The following INTS8 variants were observed in gnomAD, a reference collection of about 807,000 sequenced individuals.
The protein encoded by INTS8 is protein kaonashi-1.
INTS8 carries 47 observed loss-of-function variants against 138.9 expected under a neutral mutation model. The observed-to-expected ratio is 0.34, with a 90% CI of 0.27 to 0.43. The LOEUF (loss-of-function observed/expected upper bound fraction) is 0.43, where lower values mean the gene tolerates loss of function less well. INTS8 is among the 20% of genes least tolerant of loss of function. The pLI, the probability that INTS8 is intolerant of heterozygous loss-of-function variation, is 1.00. For missense variants in INTS8, 996 were observed against 1,173.0 expected (o/e 0.85, Z 2.20); for synonymous variants, 392 against 400.9 (o/e 0.98, Z 0.27).
rs140625955 is a variant in INTS8, at chr8:94,823,329, G to C, written c.-103G>C. On this transcript the variant is annotated 5_prime_UTR_variant, in exon 1 of 27. Coordinates refer to ENST00000523731, the MANE Select transcript of INTS8 (RefSeq NM_017864.4). ...GAGTTTCCGGGACGTTCGGAGGGTG[G>C]CCTCTCTCCCACCGGGTTCCGCATA... is the stretch of plus-strand genomic sequence containing the variant. The C allele has an allele frequency of 1.3e-6, 2 of 1,514,688 alleles. No homozygotes were observed. Among genetic ancestry groups the C allele is most frequent in the Admixed American group, 2.1e-5 (1 of 47,880 alleles). 93.8% of individuals were successfully genotyped at this position (1,514,688 alleles called of 1,614,324 possible).
In INTS8 at chr8:94,836,647, A is replaced by G. The variant is rs1487159967; in HGVS notation, c.861+16A>G. 6.9e-7 allele frequency: 1 copy of G among 1,454,938 alleles called. No homozygotes were observed. Among genetic ancestry groups the G allele is most frequent in the East Asian group, 2.3e-5 (1 of 44,056 alleles). The allele number at this position is 1,454,938 out of a possible 1,614,324, so 90.1% of individuals were successfully genotyped here. On this transcript the variant is annotated intron_variant, in intron 7 of 26. Coordinates refer to ENST00000523731, the MANE Select transcript of INTS8 (RefSeq NM_017864.4). ...AATTGCAGAGGTAAATCCAGTCATA[A>G]TAGGAACTTAATGTTCAGTTCTTTA... is the stretch of plus-strand genomic sequence containing the variant.
chr8:94,825,155 TA>T, intron 2 of INTS8, 88 bp downstream of exon 2: 3 of 959,400 alleles, frequency 3.1e-6, no homozygotes, highest in Non-Finnish European at 4.7e-6. Flanking sequence ...TATCGGCTCT[TA>T]AAAATTACGT....
At chr8:94,866,682 T>C (rs1470628984) in intron 18 of INTS8, 1 of 171,294 alleles carries the variant, frequency 5.8e-6, no homozygotes, top group Non-Finnish European at 1.2e-5. Flanking sequence ...GTATTGCATT[T>C]ACTTTACCAT....
At chr8:94,867,241 C>T in intron 19 of INTS8, 35 bp from the exon 20 acceptor site, 1 of 1,597,840 alleles carries the variant, frequency 6.3e-7, no homozygotes, top group Non-Finnish European at 8.5e-7. Context: ...AAAGAAATTT[C>T]TTTGTAAATC....
intron 8 of INTS8, 24 bp from the exon 9 acceptor site, chr8:94,841,467 T>C: frequency 8.3e-7 from 1 of 1,198,998 alleles, no homozygotes; most frequent in Non-Finnish European, 1.2e-6. Context: ...TTGAAATGGG[T>C]GCAACTTTAT....
At chr8:94,828,868 C>A in intron 4 of INTS8, 107 bp from the exon 5 acceptor site, 1 of 708,866 alleles carries the variant, frequency 1.4e-6, no homozygotes, top group Non-Finnish European at 2.4e-6. Context: ...ACATTAAAAA[C>A]ACTCTTAAAT....
Position 94,881,603 on chromosome 8 carries a change from A to C in INTS8, c.*1369A>C. 1 of 1,609,824 alleles carries C rather than the reference A, an allele frequency of 6.2e-7. No individual in the cohort carries two copies. The highest frequency in any genetic ancestry group is 1.1e-5 in the South Asian group (1 of 90,718). Reference sequence around the variant, plus strand: ...TACCAGTTCTACCCAATCTTGGTGAATTCCAACTTGTTTGCTTAGTTATCT... The same window carrying C: ...TACCAGTTCTACCCAATCTTGGTGACTTCCAACTTGTTTGCTTAGTTATCT... On this transcript the variant is annotated 3_prime_UTR_variant, in exon 27 of 27. Coordinates refer to ENST00000523731, the MANE Select transcript of INTS8 (RefSeq NM_017864.4).
chr8:94,855,306 C>T (rs1046882182), intron 14 of INTS8, among the ~76,000 whole-genome samples: 10 of 152,190 alleles, frequency 6.6e-5, no homozygotes, highest in Middle Eastern at 3.4e-3. Flanking sequence ...AATGTGTAAT[C>T]GATATAAAAA....
chr8:94,824,889 C>T lies in INTS8; in HGVS notation c.131-4C>T, dbSNP rs965387719. The T allele has an allele frequency of 6.9e-6, 11 of 1,585,834 alleles. No individual in the cohort carries two copies. The highest frequency in any genetic ancestry group is 8.6e-6 in the Non-Finnish European group (10 of 1,164,176). ...TTAAGAATTTATTTTCTTTTAAACC[C>T]TAGATCCTGCACCAGTTCAACTTAT... On this transcript the variant is annotated splice_polypyrimidine_tract_variant and splice_region_variant and intron_variant, in intron 1 of 26. Coordinates refer to ENST00000523731, the MANE Select transcript of INTS8 (RefSeq NM_017864.4).
chr8:94,862,806 A>G (rs1046906237), intron 16 of INTS8, among the ~76,000 whole-genome samples: 1 of 152,190 alleles, frequency 6.6e-6, no homozygotes, highest in African/African-American at 2.4e-5. Context: ...TTTGAAAAAA[A>G]TACAATCTGA....
At chr8:94,879,887 C>T in intron 26 of INTS8, 3 of 302,796 alleles carry the variant, frequency 9.9e-6, no homozygotes, top group Admixed American at 1.0e-4. Context: ...TATTAAAATG[C>T]CACTTAAGTA....
intron 1 of INTS8, among the ~76,000 whole-genome samples, chr8:94,824,018 G>A (rs947698125): frequency 6.6e-6 from 1 of 152,176 alleles, no homozygotes; most frequent in African/African-American, 2.4e-5. Context: ...TCTTCAGTGA[G>A]GGAATTTTAT....
rs1814657718 is a variant in INTS8 at position 94,830,087 on chromosome 8, G to A, written c.570+1061G>A. On this transcript the variant is annotated intron_variant, in intron 5 of 26. Coordinates refer to ENST00000523731, the MANE Select transcript of INTS8 (RefSeq NM_017864.4). ...ATTTTTTGTATTTTTAGTAGAGACG[G>A]GTTTCACCGTGTTGGCCAGGCTGGT... Among the ~76,000 whole-genome samples, 3 of 152,102 alleles carry A rather than the reference G, an allele frequency of 2.0e-5. No homozygotes were observed. In the South Asian group the frequency reaches 6.2e-4, roughly 32 times the overall value.
intron 21 of INTS8, among the ~76,000 whole-genome samples, chr8:94,872,543 T>A (rs967118420): frequency 2.0e-5 from 3 of 152,238 alleles, no homozygotes; most frequent in Non-Finnish European, 4.4e-5. Flanking sequence ...ATGAATTTTT[T>A]AAATCTAATT....
chr8:94,870,339 C>G (rs540914876), intron 20 of INTS8, among the ~76,000 whole-genome samples: 2 of 152,316 alleles, frequency 1.3e-5, no homozygotes, highest in South Asian at 4.1e-4. Context: ...GCGTGAGCCA[C>G]CGCACCTGGC....
At chr8:94,842,074 A>AAAAAAAAG (rs1491299865) in intron 9 of INTS8, among the ~76,000 whole-genome samples, 1 of 89,786 alleles carries the variant, frequency 1.1e-5, no homozygotes, top group East Asian at 2.3e-4. Flanking sequence ...GTCTCAAAAG[A>AAAAAAAAG]AAAAAAAAAA....
At chr8:94,865,409 C>A in intron 16 of INTS8, 97 bp from the exon 17 acceptor site, 2 of 932,124 alleles carry the variant, frequency 2.1e-6, no homozygotes, top group African/African-American at 1.7e-5. Flanking sequence ...TATGTTTGGG[C>A]AGTCATTCCA....
chr8:94,858,844 G>A (rs543306066), intron 15 of INTS8, among the ~76,000 whole-genome samples: 1 of 152,264 alleles, frequency 6.6e-6, no homozygotes, highest in Non-Finnish European at 1.5e-5. Flanking sequence ...ACAGTTTGTA[G>A]TTCACATCAC....
chr8:94,856,530 A>G (rs1051322882), intron 14 of INTS8, among the ~76,000 whole-genome samples: 4 of 152,222 alleles, frequency 2.6e-5, no homozygotes, highest in African/African-American at 7.2e-5. Flanking sequence ...TAACTTTTAT[A>G]AAAGTTGCAT....
Sources: allele counts gnomAD v4.1 joint callset (sites outside exome capture counted in the v4.1 genomes callset), GRCh38; gene constraint gnomAD v4.1.1; transcripts MANE v1.5; gene names NCBI Gene and HGNC (gene_info 2026-07-23, HGNC 2026-07-21).